NRXN3: variants seen among roughly 807,000 people sequenced by gnomAD.
The protein encoded by NRXN3 is neurexin 3, also known as neurexin III.
NRXN3 carries 32 observed loss-of-function variants against 137.6 expected under a neutral mutation model. That is an observed-to-expected ratio of 0.23 (90% CI 0.18 to 0.31). The LOEUF (loss-of-function observed/expected upper bound fraction) is 0.31, where lower values mean the gene tolerates loss of function less well. Ranked by LOEUF, NRXN3 falls within the 10% of genes least tolerant of loss-of-function variation. The pLI, the probability that NRXN3 is intolerant of heterozygous loss-of-function variation, is 1.00. For missense variants in NRXN3, 1,574 were observed against 2,062.5 expected, an observed-to-expected ratio of 0.76 and a Z score of 4.59; for synonymous variants, 798 against 784.5, an observed-to-expected ratio of 1.02 and a Z score of -0.29.
At position 78,350,318 on chromosome 14, in the gene NRXN3, G is replaced by T. The variant is rs566412145; in HGVS notation, c.757+52458G>T. 2.6e-5 allele frequency among the ~76,000 whole-genome samples: 4 copies of T among 151,978 alleles called. No individual in the cohort carries two copies. In the East Asian group the frequency reaches 7.7e-4, roughly 29 times the overall value. On this transcript the variant is annotated intron_variant, in intron 4 of 20. Coordinates refer to ENST00000335750, the MANE Select transcript of NRXN3 (RefSeq NM_001330195.2). ...AAAAAAAAAAAATTGTTAGAAAAGGGTTCTCTGGGAGGCTGGAGAAAGAGC... is the reference window on the plus strand; with the variant it reads ...AAAAAAAAAAAATTGTTAGAAAAGGTTTCTCTGGGAGGCTGGAGAAAGAGC...
At chr14:78,699,183 G>A (rs2098256028) in intron 6 of NRXN3, among the ~76,000 whole-genome samples, 1 of 152,050 alleles carries the variant, frequency 6.6e-6, no homozygotes, top group African/African-American at 2.4e-5. Flanking sequence ...GGGCGGAGAG[G>A]AAGAAATCAG....
intron 15 of NRXN3, among the ~76,000 whole-genome samples, chr14:79,157,494 G>A (rs561616984): frequency 6.6e-6 from 1 of 151,862 alleles, no homozygotes; most frequent in African/African-American, 2.4e-5. Context: ...AGCTGGTTTT[G>A]TGTCTCACTT....
At chr14:79,240,147 AC>A (rs2074041245) in intron 15 of NRXN3, among the ~76,000 whole-genome samples, 1 of 152,176 alleles carries the variant, frequency 6.6e-6, no homozygotes, top group Non-Finnish European at 1.5e-5. Context: ...ATCACTGTGT[AC>A]CATACAAATA....
chr14:78,634,037 T>C (rs2097546059), intron 4 of NRXN3, among the ~76,000 whole-genome samples: 1 of 152,196 alleles, frequency 6.6e-6, no homozygotes, highest in Non-Finnish European at 1.5e-5. Flanking sequence ...ACTAGCATGA[T>C]TTTATTCTGC....
chr14:79,135,562 AG>A (rs1596354581), intron 15 of NRXN3, among the ~76,000 whole-genome samples: 1 of 152,206 alleles, frequency 6.6e-6, no homozygotes, highest in Non-Finnish European at 1.5e-5. Flanking sequence ...GGAGTAACAT[AG>A]ACCACTAAGA....
intron 10 of NRXN3, among the ~76,000 whole-genome samples, chr14:78,923,465 C>T (rs1049580124): frequency 6.6e-6 from 1 of 152,182 alleles, no homozygotes; most frequent in Non-Finnish European, 1.5e-5. Flanking sequence ...TAAGTTGTTT[C>T]ACCTTTTAGT....
At chr14:78,313,792 A>G (rs775742591) in intron 4 of NRXN3, among the ~76,000 whole-genome samples, 1 of 152,222 alleles carries the variant, frequency 6.6e-6, no homozygotes, top group African/African-American at 2.4e-5. Flanking sequence ...CATATGATGT[A>G]TTATAAATAA....
intron 15 of NRXN3, among the ~76,000 whole-genome samples, chr14:79,291,044 G>A (rs2083102020): frequency 1.3e-5 from 2 of 152,210 alleles, no homozygotes; most frequent in Non-Finnish European, 2.9e-5. Context: ...AGAGGATCCT[G>A]TGATTTGGAT....
At chr14:79,099,026 A>ATGC (rs2050818954) in intron 15 of NRXN3, among the ~76,000 whole-genome samples, 3 of 152,182 alleles carry the variant, frequency 2.0e-5, no homozygotes, top group Non-Finnish European at 4.4e-5. Flanking sequence ...CCTAATCATG[A>ATGC]TGCATGTCCT....
intron 19 of NRXN3, among the ~76,000 whole-genome samples, chr14:79,700,684 C>A (rs559232342): frequency 3.3e-5 from 5 of 151,978 alleles, no homozygotes; most frequent in Non-Finnish European, 5.9e-5. Flanking sequence ...TGCTTTTAAC[C>A]GTGTGTGAAT....
At chr14:78,174,200 C>T (rs558401788) in intron 1 of NRXN3, among the ~76,000 whole-genome samples, 12 of 152,134 alleles carry the variant, frequency 7.9e-5, no homozygotes, top group African/African-American at 2.2e-4. Context: ...TATATGTTTG[C>T]GGTACATTGG....
intron 4 of NRXN3, among the ~76,000 whole-genome samples, chr14:78,462,984 A>G (rs2094968328): frequency 6.6e-6 from 1 of 152,054 alleles, no homozygotes. Flanking sequence ...GGTAATTTTT[A>G]TCCCTCATCC....
chr14:79,033,456 T>C (rs960735435), intron 15 of NRXN3, among the ~76,000 whole-genome samples: 1 of 152,094 alleles, frequency 6.6e-6, no homozygotes, highest in Non-Finnish European at 1.5e-5. Context: ...GCTTATGTGT[T>C]TATGAGTAGG....
chr14:79,508,026 A>C (rs1330206358), intron 16 of NRXN3, among the ~76,000 whole-genome samples: 1 of 152,068 alleles, frequency 6.6e-6, no homozygotes, highest in Non-Finnish European at 1.5e-5. Flanking sequence ...TGTCTTATGG[A>C]GTAATTGAGA....
At chr14:78,173,086 G>A (rs2058891619) in intron 1 of NRXN3, among the ~76,000 whole-genome samples, 1 of 152,050 alleles carries the variant, frequency 6.6e-6, no homozygotes, top group South Asian at 2.1e-4. Context: ...GTGCATGGTA[G>A]GAAGGTCTTT....
At chr14:78,737,680 G>A (rs2098547003) in intron 8 of NRXN3, among the ~76,000 whole-genome samples, 1 of 152,120 alleles carries the variant, frequency 6.6e-6, no homozygotes, top group African/African-American at 2.4e-5. Flanking sequence ...TCCAGTCTTA[G>A]CTCTAAACGA....
chr14:79,676,710 A>G (rs2098642708), intron 17 of NRXN3, among the ~76,000 whole-genome samples: 1 of 151,980 alleles, frequency 6.6e-6, no homozygotes, highest in East Asian at 1.9e-4. Flanking sequence ...TATACCTTAT[A>G]TGTATATATA....
At chr14:79,652,837 C>T (rs1040427906) in intron 16 of NRXN3, among the ~76,000 whole-genome samples, 4 of 151,752 alleles carry the variant, frequency 2.6e-5, no homozygotes, top group African/African-American at 7.3e-5. Flanking sequence ...GGCCTTTTTT[C>T]GAAGTACTGG....
intron 4 of NRXN3, among the ~76,000 whole-genome samples, chr14:78,357,850 A>G (rs149607782): frequency 3.0e-4 from 46 of 152,362 alleles, no homozygotes; most frequent in Admixed American, 1.2e-3. Context: ...TATGTTAACA[A>G]TATGTTAACA....
Sources: allele counts gnomAD v4.1 joint callset (sites outside exome capture counted in the v4.1 genomes callset), GRCh38; gene constraint gnomAD v4.1.1; transcripts MANE v1.5; gene names NCBI Gene and HGNC (gene_info 2026-07-23, HGNC 2026-07-21).